Variants in TBCK observed in about 807,000 individuals in gnomAD.
TBCK encodes TBC domain-containing protein kinase-like protein.
A neutral mutation model predicts 113.4 loss-of-function variants in TBCK; 99 were observed. The ratio of observed to expected loss-of-function variants is 0.87; its 90% CI spans 0.74 to 1.03. The LOEUF is 1.03. Among genes scored for constraint, TBCK ranks in the 50% least tolerant of loss-of-function variants. TBCK has a pLI of 0.00. For synonymous variants in TBCK, 369 were observed against 370.8 expected (o/e 1.00, Z 0.05); for missense variants, 1,045 against 1,061.3 (o/e 0.98, Z 0.21).
At chr4:106,049,365 G>T (rs899485288) in intron 25 of TBCK, among the ~76,000 whole-genome samples, 2 of 151,976 alleles carry the variant, frequency 1.3e-5, no homozygotes, top group Non-Finnish European at 2.9e-5. Flanking sequence ...TTTAACAGGG[G>T]CTGGGGAGCT....
intron 20 of TBCK, among the ~76,000 whole-genome samples, chr4:106,200,772 C>A (rs550080978): frequency 2.0e-3 from 297 of 151,980 alleles, no homozygotes; most frequent in Admixed American, 4.6e-3. Flanking sequence ...ATAATAGGCA[C>A]ACAAATATTT....
intron 25 of TBCK, among the ~76,000 whole-genome samples, chr4:106,071,580 T>G (rs1480099165): frequency 6.6e-6 from 1 of 152,180 alleles, no homozygotes; most frequent in East Asian, 1.9e-4. Context: ...TTCTGTTGAT[T>G]TGGGCTGAAG....
At chr4:106,187,974 T>A (rs1483965496) in intron 22 of TBCK, among the ~76,000 whole-genome samples, 1 of 152,184 alleles carries the variant, frequency 6.6e-6, no homozygotes, top group Non-Finnish European at 1.5e-5. Flanking sequence ...TTTCTAGGCA[T>A]AAAATCATAC....
chr4:106,149,428 C>T (rs1748218721), intron 23 of TBCK, among the ~76,000 whole-genome samples: 1 of 152,136 alleles, frequency 6.6e-6, no homozygotes, highest in Non-Finnish European at 1.5e-5. Flanking sequence ...GTGATTCTTC[C>T]TTTCACTTGA....
chr4:106,171,031 G>C, intron 23 of TBCK, 64 bp downstream of exon 23: 1 of 1,272,008 alleles, frequency 7.9e-7, no homozygotes, highest in South Asian at 1.6e-5. Flanking sequence ...AAAGATACTA[G>C]GGTATATTAA....
At chr4:106,180,460 T>A (rs369325907) in intron 22 of TBCK, among the ~76,000 whole-genome samples, 2 of 152,004 alleles carry the variant, frequency 1.3e-5, no homozygotes, top group Non-Finnish European at 2.9e-5. Flanking sequence ...CAGGTATACA[T>A]GTGCCATGGT....
At chr4:106,123,401 T>C (rs566820638) in intron 23 of TBCK, among the ~76,000 whole-genome samples, 1 of 152,334 alleles carries the variant, frequency 6.6e-6, no homozygotes, top group East Asian at 1.9e-4. Flanking sequence ...GAACATTTCA[T>C]GCTCATGGGT....
intron 22 of TBCK, among the ~76,000 whole-genome samples, chr4:106,191,798 A>G (rs1753699160): frequency 6.6e-6 from 1 of 152,200 alleles, no homozygotes; most frequent in Admixed American, 6.5e-5. Context: ...AGCTGACACT[A>G]CATCAACTAA....
At chr4:106,187,800 A>G (rs1024171757) in intron 22 of TBCK, among the ~76,000 whole-genome samples, 1 of 152,030 alleles carries the variant, frequency 6.6e-6, no homozygotes, top group African/African-American at 2.4e-5. Flanking sequence ...TAAGTAATGT[A>G]TTTTTTTATT....
chr4:106,168,218 C>A (rs550509716), intron 23 of TBCK, among the ~76,000 whole-genome samples: 48 of 151,908 alleles, frequency 3.2e-4, no homozygotes, highest in Non-Finnish European at 5.9e-4. Flanking sequence ...GTAATTCTTG[C>A]ACCAACAAGC....
chr4:106,149,930 A>G (rs560162619), intron 23 of TBCK, among the ~76,000 whole-genome samples: 2 of 152,356 alleles, frequency 1.3e-5, no homozygotes, highest in South Asian at 4.1e-4. Context: ...TGATTTCAAG[A>G]AAGAAAACAT....
chr4:106,071,670 G>A (rs1737471434), intron 25 of TBCK, among the ~76,000 whole-genome samples: 1 of 152,096 alleles, frequency 6.6e-6, no homozygotes, highest in Non-Finnish European at 1.5e-5. Context: ...CTTCTGTCTT[G>A]TTGATCTGTC....
At chr4:106,267,454 G>A (rs1394703091) in intron 3 of TBCK, among the ~76,000 whole-genome samples, 2 of 151,792 alleles carry the variant, frequency 1.3e-5, no homozygotes, top group Admixed American at 1.3e-4. Flanking sequence ...ATACTTAGAA[G>A]GACAGATTTA....
At chr4:106,304,986 A>G (rs1406465863) in intron 2 of TBCK, among the ~76,000 whole-genome samples, 1 of 152,160 alleles carries the variant, frequency 6.6e-6, no homozygotes, top group Non-Finnish European at 1.5e-5. Context: ...GATGGTATAT[A>G]AGCCTCAATT....
At chr4:106,288,326 G>A (rs1765327896) in intron 3 of TBCK, among the ~76,000 whole-genome samples, 1 of 151,976 alleles carries the variant, frequency 6.6e-6, no homozygotes, top group African/African-American at 2.4e-5. Flanking sequence ...CCTGGGAGGT[G>A]AAGCTTGCAG....
rs570357827 is a variant in TBCK, at chr4:106,080,492, C to A, written c.2571+14990G>T. Among the ~76,000 whole-genome samples, 5 of 152,234 alleles carry A rather than the reference C, an allele frequency of 3.3e-5. No homozygotes were observed. The East Asian group carries it at 5.8e-4, about 18-fold the overall frequency. Reference sequence around the variant, plus strand: ...AAATGCAGAAGATTGAAACTGGATCCCCTCCTTTTACCATATACAAAAACT... The same window carrying A: ...AAATGCAGAAGATTGAAACTGGATCACCTCCTTTTACCATATACAAAAACT... On this transcript the variant is annotated intron_variant, in intron 25 of 25. Coordinates refer to ENST00000394708, the MANE Select transcript of TBCK (RefSeq NM_001163435.3).
intron 24 of TBCK, 31 bp from the exon 25 acceptor site, chr4:106,095,672 T>C: frequency 4.4e-6 from 7 of 1,603,868 alleles, no homozygotes; most frequent in Admixed American, 1.7e-5. Flanking sequence ...AAAACATTTA[T>C]TTGTGTGCAA....
chr4:106,294,173 T>C (rs895394203), intron 3 of TBCK, among the ~76,000 whole-genome samples: 1 of 152,072 alleles, frequency 6.6e-6, no homozygotes, highest in Admixed American at 6.5e-5. Context: ...GAAGTTACAA[T>C]GTGATCCTTT....
intron 20 of TBCK, among the ~76,000 whole-genome samples, chr4:106,202,214 GA>G (rs1754969033): frequency 1.3e-5 from 2 of 150,484 alleles, no homozygotes; most frequent in African/African-American, 4.9e-5. Flanking sequence ...GGCATGAGCA[GA>G]AAATAAAAAG....
Sources: allele counts gnomAD v4.1 joint callset (sites outside exome capture counted in the v4.1 genomes callset), GRCh38; gene constraint gnomAD v4.1.1; transcripts MANE v1.5; gene names NCBI Gene and HGNC (gene_info 2026-07-23, HGNC 2026-07-21).